ADGRV1: variants seen among roughly 807,000 people sequenced by gnomAD.
ADGRV1 encodes G-protein coupled receptor 98.
In ADGRV1, 359 loss-of-function variants were observed where a neutral mutation model predicts 596.2. That is an observed-to-expected ratio of 0.60 (90% CI 0.55 to 0.66). The LOEUF (loss-of-function observed/expected upper bound fraction) is 0.66, where lower values mean the gene tolerates loss of function less well. Among genes scored for constraint, ADGRV1 ranks in the 30% least tolerant of loss-of-function variants. ADGRV1 has a pLI of 0.00. For synonymous variants in ADGRV1, 2,681 were observed against 2,679.2 expected, an observed-to-expected ratio of 1.00 and a Z score of -0.02; for missense variants, 7,274 against 7,575.6, an observed-to-expected ratio of 0.96 and a Z score of 1.48.
Position 90,745,746 on chromosome 5 carries a change from T to C in ADGRV1, c.10925T>C (p.Ile3642Thr). Residue 3642 changes from isoleucine (I) to threonine (T), a missense_variant, in exon 52 of 90, where the codon ATA (isoleucine) becomes ACA (threonine). Around this residue, in one of 5 missense-constraint regions of ADGRV1, gnomAD observed 3,643 missense variants for 3,809.2 expected, o/e 0.96. Coordinates refer to ENST00000405460, the MANE Select transcript of ADGRV1 (RefSeq NM_032119.4). ...AEIGINDSVTITILSNDDAYG... is the reference protein window; with the variant it reads ...AEIGINDSVTTTILSNDDAYG... ...ATTGGCATTAATGATTCTGTAACAA[T>C]AACCATTCTGTCTAATGATGATGCC... is the stretch of plus-strand genomic sequence containing the variant. The C allele has an allele frequency of 6.2e-7, 1 of 1,612,150 alleles. No individual in the cohort carries two copies. The highest frequency in any genetic ancestry group is 8.5e-7 in the Non-Finnish European group (1 of 1,178,788).
chr5:90,912,043 A>G (rs1236575347), intron 83 of ADGRV1, among the ~76,000 whole-genome samples: 1 of 152,062 alleles, frequency 6.6e-6, no homozygotes, highest in Non-Finnish European at 1.5e-5. Context: ...CCATGAGTCA[A>G]TCTCATGGAG....
In ADGRV1 at chr5:90,627,781, G is replaced by T; in HGVS notation, c.1238+5G>T. On this transcript the variant is annotated splice_donor_5th_base_variant and intron_variant, in intron 7 of 89. Transcript: ENST00000405460. ...TGATGAAGATAGAATATCAAGGTAT[G>T]ATTTATTTTAAATATATTGCTACCA... 6.9e-7 allele frequency: 1 copy of T among 1,446,198 alleles called. No homozygotes were observed. The highest frequency in any genetic ancestry group is 1.5e-5 in the South Asian group (1 of 67,098). 89.6% of individuals were successfully genotyped at this position (1,446,198 alleles called of 1,614,324 possible).
chr5:90,653,574 G>C lies in ADGRV1; in HGVS notation c.4000G>C (p.Glu1334Gln). 6.2e-7 allele frequency: 1 copy of C among 1,613,902 alleles called. No individual in the cohort carries two copies. The highest frequency in any genetic ancestry group is 8.5e-7 in the Non-Finnish European group (1 of 1,179,858). ...GTDALYFTGL[E>Q]GAFGTVNPKY... ...GGATGCTTTGTACTTTACCGGACTA[G>C]AGGGTGCATTTGGGACTGTTAATCC... The change falls in exon 20 of 90, where the codon GAG becomes CAG. Residue 1334 changes from glutamate to glutamine, a missense_variant. By Grantham distance (29) the Glu-to-Gln change is conservative (BLOSUM62 2). This residue lies in a region of ADGRV1 where 1,715 missense variants were observed against 1,708.8 expected (regional missense o/e 1.00). Coordinates refer to ENST00000405460, the MANE Select transcript of ADGRV1 (RefSeq NM_032119.4).
chr5:90,602,600 C>T (rs1001246363), intron 1 of ADGRV1, among the ~76,000 whole-genome samples: 3 of 152,118 alleles, frequency 2.0e-5, no homozygotes, highest in African/African-American at 2.4e-5. Context: ...TCCTCAAAAG[C>T]GCCAAAGTCA....
chr5:90,840,290 C>A (rs138021657), intron 77 of ADGRV1, among the ~76,000 whole-genome samples: 38 of 152,126 alleles, frequency 2.5e-4, no homozygotes, highest in African/African-American at 8.7e-4. Flanking sequence ...TTTTCAATCA[C>A]AATTGGAGAA....
rs1473659627 is a variant in ADGRV1 at position 90,753,751 on chromosome 5, A to G, written c.11299A>G (p.Thr3767Ala). Residue 3767 changes from threonine to alanine, a missense_variant, in exon 54 of 90, where the codon ACT becomes GCT. Physicochemically the swap from Thr to Ala is moderately conservative, Grantham distance 58. Coordinates refer to ENST00000405460, the MANE Select transcript of ADGRV1 (RefSeq NM_032119.4). ...GGACAGAAGCAAGTCTGTTATAACA[A>G]CTTTGCCCAATGACTCACCTTTTGG... ...DQDRSKSVIT[T>A]LPNDSPFGLV... is the part of the protein sequence containing the mutation. 3 of 1,613,328 alleles carry G rather than the reference A, an allele frequency of 1.9e-6. No homozygotes were observed. Among genetic ancestry groups the G allele is most frequent in the Non-Finnish European group, 2.5e-6 (3 of 1,179,632 alleles).
intron 79 of ADGRV1, among the ~76,000 whole-genome samples, chr5:90,850,147 A>C (rs776253122): frequency 6.6e-6 from 1 of 152,156 alleles, no homozygotes; most frequent in Non-Finnish European, 1.5e-5. Context: ...GATTGTAACC[A>C]CCTACTTCAT....
chr5:90,596,475 G>A (rs1760626363), intron 1 of ADGRV1, among the ~76,000 whole-genome samples: 1 of 151,982 alleles, frequency 6.6e-6, no homozygotes, highest in Non-Finnish European at 1.5e-5. Flanking sequence ...CCGAGATCAC[G>A]CCACTGCACT....
chr5:90,894,692 C>A (rs912341091), intron 83 of ADGRV1, among the ~76,000 whole-genome samples: 1 of 152,126 alleles, frequency 6.6e-6, no homozygotes, highest in Non-Finnish European at 1.5e-5. Context: ...CACTCAAGCA[C>A]GAACACAAGA....
intron 69 of ADGRV1, among the ~76,000 whole-genome samples, chr5:90,790,164 C>T (rs1474526254): frequency 6.6e-6 from 1 of 152,140 alleles, no homozygotes; most frequent in Non-Finnish European, 1.5e-5. Context: ...TTAAGCCTCT[C>T]AATGATTTGT....
intron 86 of ADGRV1, among the ~76,000 whole-genome samples, chr5:91,077,983 C>A (rs1788995889): frequency 6.6e-6 from 1 of 152,038 alleles, no homozygotes; most frequent in African/African-American, 2.4e-5. Flanking sequence ...GATTACAAAT[C>A]CCCTTCTTCT....
intron 79 of ADGRV1, among the ~76,000 whole-genome samples, chr5:90,849,562 G>A (rs1447718789): frequency 1.3e-5 from 2 of 151,906 alleles, no homozygotes; most frequent in Non-Finnish European, 2.9e-5. Context: ...GCTTATTTTT[G>A]TATTTTTTGT....
chr5:90,760,841 C>G (rs558323843), intron 58 of ADGRV1, among the ~76,000 whole-genome samples: 3 of 152,274 alleles, frequency 2.0e-5, no homozygotes, highest in African/African-American at 4.8e-5. Flanking sequence ...TATTTGGTAC[C>G]TAGTACTAAA....
intron 89 of ADGRV1, among the ~76,000 whole-genome samples, chr5:91,158,335 A>G (rs1796641501): frequency 6.6e-6 from 1 of 152,200 alleles, no homozygotes; most frequent in Non-Finnish European, 1.5e-5. Context: ...CATCATTCAT[A>G]ATGAAGTTTT....
intron 78 of ADGRV1, among the ~76,000 whole-genome samples, chr5:90,845,908 T>C (rs1388382978): frequency 6.6e-6 from 1 of 152,236 alleles, no homozygotes; most frequent in African/African-American, 2.4e-5. Context: ...CCAGTGGTTG[T>C]GCTCTGTCTC....
intron 1 of ADGRV1, among the ~76,000 whole-genome samples, chr5:90,601,196 C>G (rs546492973): frequency 6.6e-6 from 1 of 151,404 alleles, no homozygotes; most frequent in Non-Finnish European, 1.5e-5. Context: ...AAGATCACGC[C>G]GTTGCACTCC....
rs116363602 is a variant in ADGRV1 at position 91,036,198 on chromosome 5, A to C, written c.18153-36249A>C. Among the ~76,000 whole-genome samples the C allele has an allele frequency of 5.8e-3, 874 of 151,938 alleles. 5 individuals are homozygous for C. The highest frequency in any genetic ancestry group is 0.02 in the African/African-American group (844 of 41,424). On this transcript the variant is annotated intron_variant, in intron 85 of 89. Coordinates refer to ENST00000405460, the MANE Select transcript of ADGRV1 (RefSeq NM_032119.4). ...AAATCTGGTAACAGTAACTTAACTC[A>C]TTTCAAGAGCTATGTTAAAGCTGGG...
At chr5:90,838,144 A>C (rs114563760) in intron 77 of ADGRV1, among the ~76,000 whole-genome samples, 3,334 of 152,242 alleles carry the variant, frequency 0.022, 39 homozygotes, top group Middle Eastern at 0.027. Flanking sequence ...GGAATATTTT[A>C]ATGTATCCAT....
intron 83 of ADGRV1, among the ~76,000 whole-genome samples, chr5:90,880,275 T>TA (rs570462183): frequency 1.3e-5 from 2 of 152,182 alleles, no homozygotes; most frequent in East Asian, 3.8e-4. Flanking sequence ...CACAGGTGTA[T>TA]AAAAAATGTG....
Sources: gnomAD v4.1 joint callset for allele counts (sites outside exome capture counted in the v4.1 genomes callset) on GRCh38, gnomAD v4.1.1 for gene constraint, gnomAD v4.1.1 regional missense constraint, MANE v1.5 for transcripts, NCBI Gene and HGNC (gene_info 2026-07-23, HGNC 2026-07-21) for gene names.